Variants in FGD5 observed in about 807,000 individuals in gnomAD.
The protein encoded by FGD5 is FYVE, RhoGEF and PH domain containing 5.
FGD5 carries 28 observed loss-of-function variants against 133.4 expected under a neutral mutation model. The ratio of observed to expected loss-of-function variants is 0.21; its 90% CI spans 0.16 to 0.29. The LOEUF (loss-of-function observed/expected upper bound fraction) is 0.29, where lower values mean the gene tolerates loss of function less well. FGD5 is among the 10% of genes least tolerant of loss of function. The pLI is 1.00. For missense variants in FGD5, 1,858 were observed against 1,895.2 expected (o/e 0.98, Z 0.36); for synonymous variants, 810 against 776.5 (o/e 1.04, Z -0.72).
At chr3:14,858,866 G>A (rs1201293858) in intron 1 of FGD5, among the ~76,000 whole-genome samples, 3 of 152,238 alleles carry the variant, frequency 2.0e-5, no homozygotes, top group Non-Finnish European at 4.4e-5. Context: ...TCTGTCAGAG[G>A]TGTTTCCTTG....
chr3:14,890,663 G>A (rs185704042), intron 4 of FGD5, among the ~76,000 whole-genome samples: 2 of 152,324 alleles, frequency 1.3e-5, no homozygotes, highest in African/African-American at 4.8e-5. Context: ...TTCTGATTAC[G>A]TTCTAGTTTT....
chr3:14,843,589 C>T (rs961958555), intron 1 of FGD5, among the ~76,000 whole-genome samples: 8 of 152,020 alleles, frequency 5.3e-5, no homozygotes, highest in Non-Finnish European at 1.2e-4. Flanking sequence ...GCCAGCCCCT[C>T]CCCACCAAGG....
intron 1 of FGD5, among the ~76,000 whole-genome samples, chr3:14,824,912 C>A (rs879569235): frequency 7.9e-5 from 12 of 152,192 alleles, no homozygotes; most frequent in Admixed American, 3.3e-4. Context: ...GAAGCCTGAT[C>A]TCTTTGTTAA....
chr3:14,818,071 CA>C (rs2036404192), upstream of FGD5, among the ~76,000 whole-genome samples: 1 of 152,164 alleles, frequency 6.6e-6, no homozygotes, highest in South Asian at 2.1e-4. Flanking sequence ...CTTCCCTGGC[CA>C]CAGCAGCCCA....
intron 1 of FGD5, among the ~76,000 whole-genome samples, chr3:14,844,717 A>G (rs1687327): frequency 0.66 from 100,602 of 151,978 alleles, 33,597 homozygotes; most frequent in African/African-American, 0.74. Context: ...TTTCTCATCT[A>G]TGAAATGGAG....
At chr3:14,907,736 G>A (rs1275602600) in intron 10 of FGD5, 25 bp downstream of exon 10, 1 of 1,610,468 alleles carries the variant, frequency 6.2e-7, no homozygotes, top group Non-Finnish European at 8.5e-7. Context: ...CATGGGTAGG[G>A]GCAGAGGGTG....
chr3:14,888,189 G>T (rs1427576746), intron 4 of FGD5, among the ~76,000 whole-genome samples: 1 of 138,300 alleles, frequency 7.2e-6, no homozygotes, highest in Non-Finnish European at 1.6e-5. Flanking sequence ...AAATACAGAT[G>T]CTCAGATTCC....
At chr3:14,925,128 A>C (rs1294072939) in intron 17 of FGD5, among the ~76,000 whole-genome samples, 2 of 124,532 alleles carry the variant, frequency 1.6e-5, no homozygotes, top group Admixed American at 8.3e-5. Context: ...AAAAAAAAAA[A>C]CACATACATG....
chr3:14,852,042 G>A (rs958060442), intron 1 of FGD5, among the ~76,000 whole-genome samples: 1 of 152,158 alleles, frequency 6.6e-6, no homozygotes, highest in Non-Finnish European at 1.5e-5. Flanking sequence ...CAGTCTGGTA[G>A]TTCTCAAAAC....
Position 14,917,441 on chromosome 3 carries a change from G to T in FGD5, c.3489+109G>T. The T allele has an allele frequency of 3.0e-6, 3 of 998,044 alleles. No homozygotes were observed. The highest frequency in any genetic ancestry group is 4.5e-6 in the Non-Finnish European group (3 of 668,240). 61.8% of individuals were successfully genotyped at this position (998,044 alleles called of 1,614,324 possible). ...CACCCAGACCAGCTGGAAGAGGGAG[G>T]CCCTGCGGAAACAGTGTTGGGCTAC... On this transcript the variant is annotated intron_variant, in intron 12 of 19. Transcript: ENST00000285046. The surrounding 1 kb of genome is among the most constrained non-coding windows in gnomAD (Gnocchi z 4.1).
intron 9 of FGD5, among the ~76,000 whole-genome samples, chr3:14,904,509 T>TGTGTGTGG (rs2038302394): frequency 6.6e-6 from 1 of 151,838 alleles, no homozygotes; most frequent in Non-Finnish European, 1.5e-5. Context: ...TTTCAGGGTG[T>TGTGTGTGG]GTGTGTGTGT....
intron 1 of FGD5, among the ~76,000 whole-genome samples, chr3:14,844,807 C>T (rs1176522043): frequency 3.9e-5 from 6 of 152,118 alleles, no homozygotes; most frequent in African/African-American, 4.8e-5. Flanking sequence ...GTGTTGTGCT[C>T]GAATCATAAG....
intron 4 of FGD5, among the ~76,000 whole-genome samples, chr3:14,893,736 C>G (rs1575237811): frequency 7.3e-6 from 1 of 136,988 alleles, no homozygotes; most frequent in African/African-American, 2.7e-5. Context: ...ATTTCTTTTT[C>G]TTTCTTTTCT....
chr3:14,820,985 C>G lies in FGD5; in HGVS notation c.1914C>G (p.Ile638Met), dbSNP rs1461008804. Residue 638 changes from isoleucine (I) to methionine (M), a missense_variant, in exon 1 of 20, where the codon ATC becomes ATG. Transcript: ENST00000285046. ...PITKSSPSLL[I>M]ESDSPDKYKK... ...CAAAGAGCTCTCCCTCACTCCTGAT[C>G]GAGAGCGACTCCCCGGACAAGTACA... is the stretch of plus-strand genomic sequence containing the variant. 3 of 1,613,782 alleles carry G rather than the reference C, an allele frequency of 1.9e-6. No individual in the cohort carries two copies. The highest frequency in any genetic ancestry group is 1.3e-5 in the African/African-American group (1 of 74,872).
chr3:14,850,966 T>C lies in FGD5; in HGVS notation c.2526-13162T>C, dbSNP rs117924264. ...GCCAAAGATGTGGCAGGAATCACTC[T>C]GGCAAAATTCCTCAGCTTTGGACAT... On this transcript the variant is annotated intron_variant, in intron 1 of 19. Transcript: ENST00000285046. 2.0e-5 allele frequency among the ~76,000 whole-genome samples: 3 copies of C among 152,304 alleles called. No homozygotes were observed. The East Asian group carries it at 5.8e-4, about 29-fold the overall frequency.
intron 4 of FGD5, among the ~76,000 whole-genome samples, chr3:14,885,023 C>G (rs1470882002): frequency 1.3e-5 from 2 of 151,692 alleles, no homozygotes; most frequent in South Asian, 2.1e-4. Context: ...TCCTCACTAT[C>G]TCTTTTGCCT....
At chr3:14,905,249 C>T (rs979766524) in intron 9 of FGD5, among the ~76,000 whole-genome samples, 4 of 152,292 alleles carry the variant, frequency 2.6e-5, no homozygotes, top group South Asian at 2.1e-4. Flanking sequence ...CTGTGATACT[C>T]ATGAGTATCT....
At chr3:14,923,297 T>G in intron 16 of FGD5, 122 bp downstream of exon 16, 1 of 1,349,058 alleles carries the variant, frequency 7.4e-7, no homozygotes, top group South Asian at 1.4e-5. Flanking sequence ...AGTTATTCAC[T>G]CCATGGAGGG....
chr3:14,810,707 G>T, upstream of FGD5: 2 of 712,116 alleles, frequency 2.8e-6, no homozygotes, highest in Non-Finnish European at 3.4e-6. Context: ...CGCGCCGCGC[G>T]GAGTCCGAGG....
Sources: allele counts gnomAD v4.1 joint callset (sites outside exome capture counted in the v4.1 genomes callset), GRCh38; gene constraint gnomAD v4.1.1; non-coding constraint Gnocchi (gnomAD v3.1); transcripts MANE v1.5; gene names NCBI Gene and HGNC (gene_info 2026-07-23, HGNC 2026-07-21).